The following SHCBP1L variants were observed in gnomAD, a reference collection of about 807,000 sequenced individuals.
The protein encoded by SHCBP1L is SHC binding and spindle associated 1 like.
SHCBP1L carries 67 observed loss-of-function variants against 62.5 expected under a neutral mutation model. The observed-to-expected ratio is 1.07, with a 90% CI of 0.88 to 1.31. The LOEUF is 1.31. Ranked by LOEUF, SHCBP1L falls within the 40% of genes most tolerant of loss-of-function variation. The probability of loss-of-function intolerance (pLI) is 0.00; values close to 1 mark genes in which losing one functional copy is unlikely to be tolerated. For missense variants in SHCBP1L, 823 were observed against 809.8 expected (o/e 1.02, Z -0.20); for synonymous variants, 284 against 289.4 (o/e 0.98, Z 0.19).
At chr1:182,936,228 CAGGTTCAAG>C (rs947868825) in intron 5 of SHCBP1L, among the ~76,000 whole-genome samples, 9 of 143,752 alleles carry the variant, frequency 6.3e-5, no homozygotes, top group Admixed American at 1.5e-4. Flanking sequence ...CTCCACCTCA[CAGGTTCAAG>C]TGATTCTCGT....
intron 2 of SHCBP1L, among the ~76,000 whole-genome samples, chr1:182,944,995 T>G (rs1192108216): frequency 6.7e-6 from 1 of 149,816 alleles, no homozygotes; most frequent in East Asian, 1.9e-4. Flanking sequence ...GAGCCTTTCT[T>G]TGTCACCCAG....
chr1:182,940,265 C>T (rs1651312711), intron 3 of SHCBP1L, 64 bp downstream of exon 3: 1 of 1,396,906 alleles, frequency 7.2e-7, no homozygotes, highest in Non-Finnish European at 9.9e-7. Context: ...ATTATATGAA[C>T]AAAACCTTCA....
intron 5 of SHCBP1L, among the ~76,000 whole-genome samples, chr1:182,935,014 T>G (rs1651121601): frequency 6.6e-6 from 1 of 152,130 alleles, no homozygotes; most frequent in African/African-American, 2.4e-5. Context: ...AAGGACTCTA[T>G]TTATGGACTC....
At chr1:182,904,823 A>T (rs1214554375) in intron 7 of SHCBP1L, among the ~76,000 whole-genome samples, 1 of 151,472 alleles carries the variant, frequency 6.6e-6, no homozygotes, top group African/African-American at 2.4e-5. Context: ...TGGCTTGATT[A>T]TGGCTCACTG....
Position 182,925,570 on chromosome 1 carries a change from AG to A in SHCBP1L, c.1182+4076del. ...AAAATAAATAATAAAAAAAGATAAA[AG>A]TTTTGGTGAGGACTGGAGAAATTGG... On this transcript the variant is annotated intron_variant, in intron 6 of 9. Transcript: ENST00000367547. Among the ~76,000 whole-genome samples the A allele has an allele frequency of 3.3e-5, 5 of 152,314 alleles. No individual in the cohort carries two copies. The South Asian group carries it at 1.0e-3, about 32-fold the overall frequency.
intron 6 of SHCBP1L, among the ~76,000 whole-genome samples, chr1:182,912,907 T>C (rs1650234739): frequency 6.6e-6 from 1 of 151,314 alleles, no homozygotes; most frequent in Non-Finnish European, 1.5e-5. Flanking sequence ...GAGGCTGAGG[T>C]GGGTGGATCA....
chr1:182,916,412 C>A (rs1292779304), intron 6 of SHCBP1L, among the ~76,000 whole-genome samples: 1 of 151,856 alleles, frequency 6.6e-6, no homozygotes, highest in Admixed American at 6.6e-5. Flanking sequence ...AAAACAAAAT[C>A]AAAAATTAAT....
chr1:182,944,153 T>TAAATAAATAAATAAATAAATAAAA (rs1211471779), intron 2 of SHCBP1L, among the ~76,000 whole-genome samples: 38 of 147,838 alleles, frequency 2.6e-4, no homozygotes, highest in South Asian at 1.1e-3. Context: ...AATAAATAAA[T>TAAATAAATAAATAAATAAATAAAA]AAAAGAGGCC....
At chr1:182,921,065 C>A (rs1367521062) in intron 6 of SHCBP1L, among the ~76,000 whole-genome samples, 2 of 152,008 alleles carry the variant, frequency 1.3e-5, no homozygotes, top group Admixed American at 6.6e-5. Context: ...ATCCCCAAGA[C>A]ATAGTCATCA....
chr1:182,925,419 T>A (rs932699066), intron 6 of SHCBP1L, among the ~76,000 whole-genome samples: 23 of 151,914 alleles, frequency 1.5e-4, no homozygotes, highest in Non-Finnish European at 2.2e-4. Flanking sequence ...GGCCAACAAG[T>A]CCATGGAAAG....
At chr1:182,914,684 CA>C (rs759194529) in intron 6 of SHCBP1L, among the ~76,000 whole-genome samples, 2 of 150,792 alleles carry the variant, frequency 1.3e-5, no homozygotes, top group Non-Finnish European at 3.0e-5. Context: ...TCATAAAACA[CA>C]AAAGAAGATG....
intron 6 of SHCBP1L, among the ~76,000 whole-genome samples, chr1:182,909,736 G>A (rs1354700188): frequency 6.6e-6 from 1 of 152,166 alleles, no homozygotes; most frequent in Non-Finnish European, 1.5e-5. Context: ...AGTGTCTGTG[G>A]ACTAATCTCT....
rs1182783771 is a variant in SHCBP1L at position 182,930,653 on chromosome 1, ATGTGTGTG to A, written c.1077-909_1077-902del. Among the ~76,000 whole-genome samples, 150 of 24,646 alleles carry A rather than the reference ATGTGTGTG, an allele frequency of 6.1e-3. 2 individuals are homozygous for A. Among genetic ancestry groups the A allele is most frequent in the South Asian group, 8.9e-3 (4 of 448 alleles). 16.2% of individuals were successfully genotyped at this position (24,646 alleles called of 152,430 possible). On this transcript the variant is annotated intron_variant, in intron 5 of 9. Transcript: ENST00000367547. The stretch of plus-strand genomic sequence containing the variant: ...AAGACAGGGTCTTGCCCTGGAGTAT[ATGTGTGTG>A]TGTGTGTGTGTGTGTGTGTGTGTGT...
intron 6 of SHCBP1L, among the ~76,000 whole-genome samples, chr1:182,929,383 G>T (rs540038725): frequency 6.0e-4 from 91 of 152,196 alleles, no homozygotes; most frequent in African/African-American, 1.5e-3. Flanking sequence ...TCAACATTTT[G>T]TCTCCCCTAA....
intron 8 of SHCBP1L, among the ~76,000 whole-genome samples, chr1:182,903,639 A>G (rs1204740845): frequency 6.6e-6 from 1 of 151,956 alleles, no homozygotes. Context: ...TTATCTAAAG[A>G]CTCAAGCTCT....
At chr1:182,946,030 A>C (rs1024502457) in intron 2 of SHCBP1L, among the ~76,000 whole-genome samples, 1 of 151,594 alleles carries the variant, frequency 6.6e-6, no homozygotes, top group African/African-American at 2.4e-5. Context: ...ACTGCACTCC[A>C]GCCTGGGCAA....
chr1:182,953,076 C>G lies in SHCBP1L; in HGVS notation c.58G>C (p.Asp20His), dbSNP rs1303965385. 24 of 1,556,618 alleles carry G rather than the reference C, an allele frequency of 1.5e-5. No individual in the cohort carries two copies. The highest frequency in any genetic ancestry group is 2.0e-5 in the Non-Finnish European group (23 of 1,157,884). The change falls in exon 1 of 10, where the codon GAC becomes CAC. Residue 20 changes from aspartate to histidine, a missense_variant. Transcript: ENST00000367547. ...PADSFRTISP[D>H]RRGEKSASAV... ...GAGGCGGACTTCTCGCCTCGCCTGT[C>G]CGGGCTGATGGTGCGGAATGAGTCC...
In SHCBP1L at chr1:182,940,324, A is replaced by G. The variant is rs1484525852; in HGVS notation, c.770+5T>C. On this transcript the variant is annotated splice_donor_5th_base_variant and intron_variant, in intron 3 of 9. Transcript: ENST00000367547. The stretch of plus-strand genomic sequence containing the variant: ...TTTAATTTTCAAAAGTAAAGGCCCT[A>G]ATACCTGACAACTTCCAAGGCCAAA... The G allele has an allele frequency of 1.2e-6, 2 of 1,612,018 alleles. No individual in the cohort carries two copies. Among genetic ancestry groups the G allele is most frequent in the South Asian group, 2.2e-5 (2 of 90,730 alleles).
chr1:182,920,394 C>T (rs1288456098), intron 6 of SHCBP1L, among the ~76,000 whole-genome samples: 4 of 152,104 alleles, frequency 2.6e-5, no homozygotes, highest in East Asian at 1.9e-4. Context: ...AACCCTCACA[C>T]GCATCAAAGA....
Sources: gnomAD v4.1 joint callset for allele counts (sites outside exome capture counted in the v4.1 genomes callset) on GRCh38, gnomAD v4.1.1 for gene constraint, MANE v1.5 for transcripts, NCBI Gene and HGNC (gene_info 2026-07-23, HGNC 2026-07-21) for gene names.